MAML2: variants seen among roughly 807,000 people sequenced by gnomAD.
The protein encoded by MAML2 is mastermind-like protein 2.
Under a neutral mutation model 96.1 loss-of-function variants are expected in MAML2, and 22 were observed. The ratio of observed to expected loss-of-function variants is 0.23; its 90% CI spans 0.16 to 0.33. The LOEUF (loss-of-function observed/expected upper bound fraction) is 0.33, where lower values mean the gene tolerates loss of function less well. Among genes scored for constraint, MAML2 ranks in the 10% least tolerant of loss-of-function variants. The pLI is 1.00. For synonymous variants in MAML2, 561 were observed against 521.3 expected (o/e 1.08, Z -1.04); for missense variants, 1,367 against 1,392.4 (o/e 0.98, Z 0.29).
intron 1 of MAML2, among the ~76,000 whole-genome samples, chr11:96,247,356 G>A (rs140322171): frequency 1.1e-4 from 16 of 152,164 alleles, no homozygotes; most frequent in African/African-American, 3.9e-4. Flanking sequence ...ACGAAAAAAT[G>A]TCACTATGCT....
intron 2 of MAML2, among the ~76,000 whole-genome samples, chr11:96,042,306 G>A (rs1379875750): frequency 6.6e-6 from 1 of 151,914 alleles, no homozygotes; most frequent in Admixed American, 6.6e-5. Flanking sequence ...ATTTTTAGTA[G>A]AGACCAGGTT....
chr11:95,988,015 A>G (rs201359689), intron 3 of MAML2, among the ~76,000 whole-genome samples: 1 of 36 alleles, frequency 0.028, no homozygotes, highest in South Asian at 0.25. Context: ...TTTTGATTTT[A>G]TGCCAGCATG....
intron 1 of MAML2, among the ~76,000 whole-genome samples, chr11:96,172,064 AC>A (rs1310797386): frequency 6.6e-6 from 1 of 152,238 alleles, no homozygotes; most frequent in Non-Finnish European, 1.5e-5. Context: ...CAACTAAAAC[AC>A]AAAGCACAGT....
intron 2 of MAML2, among the ~76,000 whole-genome samples, chr11:95,997,033 A>G (rs753138930): frequency 6.6e-6 from 1 of 152,178 alleles, no homozygotes; most frequent in East Asian, 1.9e-4. Flanking sequence ...AGTCTTTCAC[A>G]TAATAGAAAA....
At chr11:95,996,800 G>A (rs1857997673) in intron 2 of MAML2, among the ~76,000 whole-genome samples, 1 of 152,080 alleles carries the variant, frequency 6.6e-6, no homozygotes, top group Admixed American at 6.6e-5. Context: ...TGATGCATTG[G>A]CTTCGATTTT....
intron 1 of MAML2, among the ~76,000 whole-genome samples, chr11:96,132,719 T>C (rs1322745262): frequency 6.6e-6 from 1 of 152,236 alleles, no homozygotes; most frequent in Non-Finnish European, 1.5e-5. Flanking sequence ...TCTGATTCCA[T>C]ATCTAACAAG....
At chr11:95,982,968 C>T (rs1857765336) in intron 4 of MAML2, among the ~76,000 whole-genome samples, 1 of 152,096 alleles carries the variant, frequency 6.6e-6, no homozygotes, top group Non-Finnish European at 1.5e-5. Context: ...TTTTTATCTT[C>T]CTTTATCATA....
At chr11:96,190,151 C>T (rs12294247) in intron 1 of MAML2, among the ~76,000 whole-genome samples, 28,381 of 152,034 alleles carry the variant, frequency 0.19, 2,821 homozygotes, top group Middle Eastern at 0.25. Context: ...TCCTAGTATA[C>T]AAAATGTGGA....
intron 2 of MAML2, among the ~76,000 whole-genome samples, chr11:96,088,420 T>G (rs2135805708): frequency 6.6e-6 from 1 of 152,330 alleles, no homozygotes; most frequent in East Asian, 1.9e-4. Flanking sequence ...AGGTAAGCAC[T>G]TTTGGCTTAA....
intron 2 of MAML2, among the ~76,000 whole-genome samples, chr11:96,015,583 AAGG>A (rs749236929): frequency 6.8e-4 from 61 of 89,726 alleles, no homozygotes; most frequent in Admixed American, 9.0e-4. Context: ...AAAAAAAAAA[AAGG>A]GGGGGGGGGC....
intron 2 of MAML2, among the ~76,000 whole-genome samples, chr11:96,024,526 C>A (rs1225655087): frequency 6.6e-6 from 1 of 152,204 alleles, no homozygotes; most frequent in Non-Finnish European, 1.5e-5. Flanking sequence ...GACATGCACT[C>A]ATGTTGCTAA....
chr11:96,117,601 A>AT (rs1860266472), intron 1 of MAML2, among the ~76,000 whole-genome samples: 1 of 152,204 alleles, frequency 6.6e-6, no homozygotes, highest in Admixed American at 6.5e-5. Context: ...TGCCCAGCAC[A>AT]AAGCTCTTGT....
At chr11:96,146,735 C>T (rs945808937) in intron 1 of MAML2, among the ~76,000 whole-genome samples, 3 of 152,206 alleles carry the variant, frequency 2.0e-5, no homozygotes, top group Non-Finnish European at 4.4e-5. Context: ...AGGATTGTGT[C>T]ATCCAAACTT....
At chr11:96,145,173 G>T (rs1320609079) in intron 1 of MAML2, among the ~76,000 whole-genome samples, 1 of 152,176 alleles carries the variant, frequency 6.6e-6, no homozygotes, top group Admixed American at 6.5e-5. Flanking sequence ...CAGAGAGGTG[G>T]CATGCTTTAT....
intron 1 of MAML2, among the ~76,000 whole-genome samples, chr11:96,244,058 G>A (rs542006460): frequency 7.9e-5 from 12 of 152,260 alleles, no homozygotes; most frequent in African/African-American, 2.9e-4. Flanking sequence ...TTATTCCTTC[G>A]CCTAAAAATC....
chr11:96,213,339 C>T (rs965640513), intron 1 of MAML2, among the ~76,000 whole-genome samples: 13 of 152,176 alleles, frequency 8.5e-5, no homozygotes, highest in South Asian at 2.1e-4. Context: ...TACAACTATA[C>T]GCCCAGTAAT....
At chr11:96,150,996 G>A (rs1346713143) in intron 1 of MAML2, among the ~76,000 whole-genome samples, 1 of 152,086 alleles carries the variant, frequency 6.6e-6, no homozygotes, top group Non-Finnish European at 1.5e-5. Context: ...AAACTCTTTT[G>A]GTGATCTGAA....
At position 95,977,823 on chromosome 11, in the gene MAML2, T is replaced by C. The variant is rs1296269583; in HGVS notation, c.*1125A>G. 8.8e-6 allele frequency: 2 copies of C among 226,436 alleles called. No individual in the cohort carries two copies. The highest frequency in any genetic ancestry group is 8.8e-6 in the Non-Finnish European group (1 of 113,804). The allele number at this position is 226,436 out of a possible 1,614,324, so 14.0% of individuals were successfully genotyped here. A position where few individuals can be genotyped will look rare whatever the true frequency, so the allele number is the denominator to read the frequency against. On this transcript the variant is annotated 3_prime_UTR_variant, in exon 5 of 5. Coordinates refer to ENST00000524717, the MANE Select transcript of MAML2 (RefSeq NM_032427.4). The stretch of plus-strand genomic sequence containing the variant: ...ATTTTGTTGCTCACCCAAATCCAAA[T>C]AATACGTCCAATGAAGGACAAATTG...
At chr11:95,993,207 GAA>G (rs57752907) in intron 2 of MAML2, among the ~76,000 whole-genome samples, 1,512 of 129,164 alleles carry the variant, frequency 0.012, 34 homozygotes, top group East Asian at 0.11. Flanking sequence ...ACTGTGCCCA[GAA>G]AAAAAAAAAA....
Sources: allele counts gnomAD v4.1 joint callset (sites outside exome capture counted in the v4.1 genomes callset), GRCh38; gene constraint gnomAD v4.1.1; transcripts MANE v1.5; gene names NCBI Gene and HGNC (gene_info 2026-07-23, HGNC 2026-07-21).